Variants in NEXMIF observed in about 807,000 individuals in gnomAD.
NEXMIF encodes the protein XLMR protein related to neurite extension.
In NEXMIF, 8 loss-of-function variants were observed where a neutral mutation model predicts 62.1. That is an observed-to-expected ratio of 0.13 (90% CI 0.08 to 0.23). The LOEUF (loss-of-function observed/expected upper bound fraction) is 0.23. Among genes scored for constraint, NEXMIF ranks in the 10% least tolerant of loss-of-function variants. The pLI is 1.00. For missense variants in NEXMIF, 976 were observed against 1,113.3 expected, an observed-to-expected ratio of 0.88 and a Z score of 1.75; for synonymous variants, 404 against 416.6, an observed-to-expected ratio of 0.97 and a Z score of 0.37.
intron 1 of NEXMIF, among the ~76,000 whole-genome samples, chrX:74,917,377 G>T (rs761225170): frequency 9.0e-5 from 10 of 111,680 alleles, no homozygotes; most frequent in Non-Finnish European, 1.7e-4. Flanking sequence ...ACAGCCTGTG[G>T]GACCATGAGC....
At chrX:74,874,493 T>A (rs1252332134) in intron 1 of NEXMIF, among the ~76,000 whole-genome samples, 1 of 110,090 alleles carries the variant, frequency 9.1e-6, no homozygotes, top group East Asian at 2.9e-4. Flanking sequence ...TTTGGTTCCA[T>A]ATGAACTTTA....
chrX:74,779,791 A>G (rs1234843294), intron 1 of NEXMIF, among the ~76,000 whole-genome samples: 6 of 111,627 alleles, frequency 5.4e-5, no homozygotes, highest in Non-Finnish European at 9.4e-5. Context: ...TGTTTTGTAG[A>G]CCCAACCAGA....
intron 1 of NEXMIF, among the ~76,000 whole-genome samples, chrX:74,860,279 A>G (rs2080552429): frequency 8.9e-6 from 1 of 112,089 alleles, no homozygotes; most frequent in Non-Finnish European, 1.9e-5. Context: ...ACAGCTAAGG[A>G]AAGAAATAGA....
chrX:74,758,955 T>C (rs2080167746), intron 1 of NEXMIF, among the ~76,000 whole-genome samples: 1 of 112,404 alleles, frequency 8.9e-6, no homozygotes, highest in African/African-American at 3.2e-5. Flanking sequence ...TAGGTCTGTT[T>C]TTAGCTCTTT....
chrX:74,878,265 G>A (rs1272704932), intron 1 of NEXMIF, among the ~76,000 whole-genome samples: 1 of 111,762 alleles, frequency 8.9e-6, no homozygotes, highest in African/African-American at 3.3e-5. Context: ...GTATGAGTCT[G>A]CCCCTGCTCG....
At chrX:74,837,419 G>C (rs2080460838) in intron 1 of NEXMIF, among the ~76,000 whole-genome samples, 1 of 111,855 alleles carries the variant, frequency 8.9e-6, no homozygotes, top group South Asian at 3.7e-4. Flanking sequence ...CATAAGGACT[G>C]TCTTTCTCAT....
intron 1 of NEXMIF, among the ~76,000 whole-genome samples, chrX:74,788,824 A>G (rs994993272): frequency 9.0e-6 from 1 of 110,637 alleles, no homozygotes; most frequent in African/African-American, 3.3e-5. Flanking sequence ...GTAGAGTGAT[A>G]TAATTTTCAG....
intron 1 of NEXMIF, among the ~76,000 whole-genome samples, chrX:74,851,588 A>AG (rs2080513692): frequency 1.9e-5 from 2 of 106,129 alleles, no homozygotes; most frequent in Admixed American, 2.0e-4. Flanking sequence ...AAGTGCTTAA[A>AG]GGAAAAAAAA....
chrX:74,889,254 G>C (rs1227708970), intron 1 of NEXMIF, among the ~76,000 whole-genome samples: 1 of 111,198 alleles, frequency 9.0e-6, no homozygotes, highest in South Asian at 3.8e-4. Context: ...ATTGTGCTTT[G>C]AAAGTGAAAA....
At chrX:74,832,147 C>CT (rs774296615) in intron 1 of NEXMIF, among the ~76,000 whole-genome samples, 1 of 111,799 alleles carries the variant, frequency 8.9e-6, no homozygotes, top group African/African-American at 3.2e-5. Context: ...CCCTCCTGCT[C>CT]TTTTTTTCCA....
intron 1 of NEXMIF, among the ~76,000 whole-genome samples, chrX:74,807,694 C>T (rs923891273): frequency 3.6e-5 from 4 of 111,583 alleles, no homozygotes; most frequent in South Asian, 3.8e-4. Flanking sequence ...AACTCCTGGC[C>T]TCAAGTGATT....
Position 74,744,375 on chromosome X carries a change from G to A in NEXMIF, c.182C>T (p.Pro61Leu). The change falls in exon 3 of 4, where the codon CCC becomes CTC. Residue 61 changes from proline (P) to leucine (L), a missense_variant. Around this residue, in one of 5 missense-constraint regions of NEXMIF, gnomAD observed 126 missense variants for 146.5 expected, o/e 0.86. Transcript: ENST00000055682. ...PVAQKETLMY[P>L]RGLLPLPSKK... ...AGAGGGTAGAGGCAGGAGACCTCTG[G>A]GATACATCAGGGTCTCTTTTTGTGC... The A allele has an allele frequency of 1.7e-6, 2 of 1,209,149 alleles. No homozygotes were observed. Among genetic ancestry groups the A allele is most frequent in the Non-Finnish European group, 2.2e-6 (2 of 893,584 alleles).
chrX:74,860,883 G>A (rs2080554897), intron 1 of NEXMIF, among the ~76,000 whole-genome samples: 1 of 111,068 alleles, frequency 9.0e-6, no homozygotes, highest in Admixed American at 9.6e-5. Flanking sequence ...TAGAAGAAAA[G>A]AAATAAGAAA....
At chrX:74,872,411 T>C (rs1421422038) in intron 1 of NEXMIF, among the ~76,000 whole-genome samples, 1 of 93,176 alleles carries the variant, frequency 1.1e-5, no homozygotes, top group Non-Finnish European at 2.1e-5. Context: ...AGCAGAAGGA[T>C]GGTTATCAGA....
intron 1 of NEXMIF, among the ~76,000 whole-genome samples, chrX:74,821,087 C>T (rs1261556240): frequency 9.1e-6 from 1 of 110,462 alleles, no homozygotes; most frequent in Non-Finnish European, 1.9e-5. Flanking sequence ...ACTATGTTGT[C>T]CAGGCTGCTG....
intron 1 of NEXMIF, among the ~76,000 whole-genome samples, chrX:74,751,623 C>CCTTCCTTCCTT (rs2080142970): frequency 1.1e-5 from 1 of 87,303 alleles, no homozygotes; most frequent in African/African-American, 4.6e-5. Flanking sequence ...TACCATCACG[C>CCTTCCTTCCTT]CCTTCCTTCC....
Position 74,848,856 on chromosome X carries a change from G to T in NEXMIF, c.-48+76027C>A, listed in dbSNP as rs753008788. Among the ~76,000 whole-genome samples, 7 of 111,805 alleles carry T rather than the reference G, an allele frequency of 6.3e-5. No homozygotes were observed. The South Asian group carries it at 2.7e-3, about 43-fold the overall frequency. The stretch of plus-strand genomic sequence containing the variant: ...GCCTTCATAAAAGAGACCCCAGAGA[G>T]TTCTCTCATTTCTTCCACCACATGA... On this transcript the variant is annotated intron_variant, in intron 1 of 3. Transcript: ENST00000055682.
chrX:74,754,290 CTTTTTT>C (rs1244142110), intron 1 of NEXMIF, among the ~76,000 whole-genome samples: 1 of 106,723 alleles, frequency 9.4e-6, no homozygotes, highest in East Asian at 2.9e-4. Context: ...TTTTCTTTCT[CTTTTTT>C]TATTTTTATT....
In NEXMIF at chrX:74,744,251, T is replaced by C. The variant is rs766077577; in HGVS notation, c.306A>G (p.Thr102=). 10 of 1,211,313 alleles carry C rather than the reference T, an allele frequency of 8.3e-6. No homozygotes were observed. Among genetic ancestry groups the C allele is most frequent in the Non-Finnish European group, 1.1e-5 (10 of 895,285 alleles). The part of the protein sequence containing the change: ...NSASVNAISL[T]SGIAKGLNTW... ...TGTTCAGGCCTTTTGCAATGCCAGA[T>C]GTGAGGGAGATGGCATTCACAGAAG... Residue 102 remains threonine (T), a synonymous_variant, in exon 3 of 4, where the codon ACA becomes ACG. Transcript: ENST00000055682.
Sources: gnomAD v4.1 joint callset for allele counts (sites outside exome capture counted in the v4.1 genomes callset) on GRCh38, gnomAD v4.1.1 for gene constraint, gnomAD v4.1.1 regional missense constraint, MANE v1.5 for transcripts, NCBI Gene and HGNC (gene_info 2026-07-23, HGNC 2026-07-21) for gene names.